The following MAF variants were observed in gnomAD, a reference collection of about 807,000 sequenced individuals.
MAF encodes MAF bZIP transcription factor.
Under a neutral mutation model 22.0 loss-of-function variants are expected in MAF, and 10 were observed. The ratio of observed to expected loss-of-function variants is 0.45; its 90% CI spans 0.28 to 0.77. The LOEUF (loss-of-function observed/expected upper bound fraction) is 0.77, where lower values mean the gene tolerates loss of function less well. Among genes scored for constraint, MAF ranks in the 30% least tolerant of loss-of-function variants. The probability of loss-of-function intolerance (pLI) is 0.12; values close to 1 mark genes in which losing one functional copy is unlikely to be tolerated. For missense variants in MAF, 544 were observed against 548.4 expected (o/e 0.99, Z 0.08); for synonymous variants, 337 against 255.8 (o/e 1.32, Z -3.03).
At chr16:79,528,457 T>A in the MAF span, among the ~76,000 whole-genome samples, 1,598 of 152,248 alleles carry the variant, frequency 0.01, 14 homozygotes, top group Middle Eastern at 0.034. Flanking sequence ...GGGTAGGAAC[T>A]GAGCAGAATC....
At chr16:79,314,112 G>A in the MAF span, among the ~76,000 whole-genome samples, 55 of 152,310 alleles carry the variant, frequency 3.6e-4, no homozygotes, top group African/African-American at 4.8e-4. Context: ...TCATGCTGAT[G>A]TGATTTCCGT....
the MAF span, among the ~76,000 whole-genome samples, chr16:79,230,003 A>G: frequency 6.6e-6 from 1 of 151,890 alleles, no homozygotes; most frequent in African/African-American, 2.4e-5. Flanking sequence ...TGCTTACAGA[A>G]AAAAAAAGAA....
the MAF span, among the ~76,000 whole-genome samples, chr16:79,456,474 T>A: frequency 6.6e-6 from 1 of 152,180 alleles, no homozygotes; most frequent in Admixed American, 6.5e-5. Context: ...GGGGTCCACA[T>A]AATCCAGTGG....
At chr16:79,561,970 C>T in the MAF span, among the ~76,000 whole-genome samples, 1 of 152,188 alleles carries the variant, frequency 6.6e-6, no homozygotes, top group Non-Finnish European at 1.5e-5. Context: ...TCTGGTTCAA[C>T]ATGAGCCGTT....
At chr16:79,470,355 G>A in the MAF span, among the ~76,000 whole-genome samples, 1 of 152,086 alleles carries the variant, frequency 6.6e-6, no homozygotes, top group Non-Finnish European at 1.5e-5. Flanking sequence ...TCATGTTACT[G>A]AGCCCCCCCA....
chr16:79,241,712 G>A, the MAF span, among the ~76,000 whole-genome samples: 4 of 151,880 alleles, frequency 2.6e-5, no homozygotes, highest in South Asian at 2.1e-4. Context: ...GATACTCCTC[G>A]AGAAGAGCAA....
chr16:79,378,361 C>A, the MAF span, among the ~76,000 whole-genome samples: 1 of 151,990 alleles, frequency 6.6e-6, no homozygotes, highest in African/African-American at 2.4e-5. Context: ...AAAGGAAGCC[C>A]ATAGAAAAAA....
chr16:79,282,893 G>A, the MAF span, among the ~76,000 whole-genome samples: 1 of 152,116 alleles, frequency 6.6e-6, no homozygotes, highest in Non-Finnish European at 1.5e-5. Context: ...AATCCAAAGG[G>A]TCCTATTTGC....
chr16:79,446,969 T>C, the MAF span, among the ~76,000 whole-genome samples: 1 of 151,854 alleles, frequency 6.6e-6, no homozygotes, highest in Non-Finnish European at 1.5e-5. Context: ...GTAAAAGAAA[T>C]CAACATTGGT....
the MAF span, among the ~76,000 whole-genome samples, chr16:79,457,389 G>GTT: frequency 0.034 from 4,776 of 140,414 alleles, 100 homozygotes; most frequent in Middle Eastern, 0.051. Context: ...TAGCACTTTG[G>GTT]TTTTTTTTTT....
the MAF span, among the ~76,000 whole-genome samples, chr16:79,281,459 C>T: frequency 1.6e-4 from 25 of 151,554 alleles, no homozygotes; most frequent in Admixed American, 9.8e-4. Flanking sequence ...AGCAAGTGAG[C>T]TGTATTCCTG....
At chr16:79,509,982 C>G in the MAF span, among the ~76,000 whole-genome samples, 1 of 152,120 alleles carries the variant, frequency 6.6e-6, no homozygotes, top group Non-Finnish European at 1.5e-5. Flanking sequence ...CTGAGTTTGC[C>G]GTAGGAAGCA....
At chr16:79,228,131 A>C in the MAF span, among the ~76,000 whole-genome samples, 31 of 152,030 alleles carry the variant, frequency 2.0e-4, no homozygotes, top group Non-Finnish European at 1.0e-4. Flanking sequence ...TCCAACTCCT[A>C]GCCTCAAGTG....
the MAF span, among the ~76,000 whole-genome samples, chr16:79,438,301 G>A: frequency 6.6e-6 from 1 of 152,220 alleles, no homozygotes; most frequent in Admixed American, 6.5e-5. Flanking sequence ...TCAGCCCTGG[G>A]ACCAGAGGCA....
At chr16:79,308,207 C>G in the MAF span, among the ~76,000 whole-genome samples, 1 of 152,228 alleles carries the variant, frequency 6.6e-6, no homozygotes, top group African/African-American at 2.4e-5. Context: ...CAACACGGGT[C>G]CACATTGATC....
chr16:79,249,387 C>T, the MAF span, among the ~76,000 whole-genome samples: 1 of 149,334 alleles, frequency 6.7e-6, no homozygotes, highest in Non-Finnish European at 1.5e-5. Flanking sequence ...CCACTGCACT[C>T]CAGCCTGGGT....
the MAF span, among the ~76,000 whole-genome samples, chr16:79,277,014 T>G: frequency 6.6e-6 from 1 of 152,138 alleles, no homozygotes; most frequent in African/African-American, 2.4e-5. Flanking sequence ...TGTGCCTGTG[T>G]ATCTAAATCT....
the MAF span, among the ~76,000 whole-genome samples, chr16:79,297,232 A>G: frequency 6.6e-6 from 1 of 152,220 alleles, no homozygotes; most frequent in African/African-American, 2.4e-5. Flanking sequence ...AACATGAAAA[A>G]GTACTTTGGA....
At chr16:79,336,205 A>G in the MAF span, among the ~76,000 whole-genome samples, 5 of 152,238 alleles carry the variant, frequency 3.3e-5, no homozygotes. Flanking sequence ...AGTAATGAAT[A>G]ACACTTGCTC....
Sources: allele counts gnomAD v4.1 joint callset (sites outside exome capture counted in the v4.1 genomes callset), GRCh38; gene constraint gnomAD v4.1.1; transcripts MANE v1.5; gene names NCBI Gene and HGNC (gene_info 2026-07-23, HGNC 2026-07-21).